The following TJP3 variants were observed in gnomAD, a reference collection of about 807,000 sequenced individuals.
The protein encoded by TJP3 is tight junction protein 3.
A neutral mutation model predicts 104.2 loss-of-function variants in TJP3; 85 were observed. The observed-to-expected ratio is 0.82, with a 90% confidence interval of 0.68 to 0.98. The LOEUF (loss-of-function observed/expected upper bound fraction) is 0.98, where lower values mean the gene tolerates loss of function less well. Ranked by LOEUF, TJP3 falls within the 50% of genes least tolerant of loss-of-function variation. The probability of loss-of-function intolerance (pLI) is 0.00; values close to 1 mark genes in which losing one functional copy is unlikely to be tolerated. For missense variants in TJP3, 1,367 were observed against 1,322.8 expected (o/e 1.03, Z -0.52); for synonymous variants, 550 against 550.6 (o/e 1.00, Z 0.02).
In TJP3 at chr19:3,729,781, C is replaced by CAAA. The variant is rs35091592; in HGVS notation, c.159-232_159-230dup. Among the ~76,000 whole-genome samples the CAAA allele has an allele frequency of 1.7e-4, 20 of 120,526 alleles. 1 individual carries two copies. The highest frequency in any genetic ancestry group is 4.1e-4 in the African/African-American group (13 of 31,764). 79.1% of individuals were successfully genotyped at this position (120,526 alleles called of 152,430 possible). On this transcript the variant is annotated intron_variant, in intron 3 of 20. Coordinates refer to ENST00000541714, the MANE Select transcript of TJP3 (RefSeq NM_001267560.2). ...TGGGCAACAGAGTGAGACTCTGTCT[C>CAAA]AAAAAAAAAAAAAAAAATGTAGCTT... is the stretch of plus-strand genomic sequence containing the variant.
In TJP3 at chr19:3,736,156, C is replaced by T. The variant is rs1449754371; in HGVS notation, c.1128-9C>T. Reference sequence around the variant, plus strand: ...TCTGCTCTGACCCCATCTCTGCCTCCCCTTGCAGGTACAGCCCCGACACGC... The same window carrying T: ...TCTGCTCTGACCCCATCTCTGCCTCTCCTTGCAGGTACAGCCCCGACACGC... On this transcript the variant is annotated splice_polypyrimidine_tract_variant and intron_variant, in intron 10 of 20. Coordinates refer to ENST00000541714, the MANE Select transcript of TJP3 (RefSeq NM_001267560.2). 6.3e-7 allele frequency: 1 copy of T among 1,579,050 alleles called. No homozygotes were observed. Among genetic ancestry groups the T allele is most frequent in the African/African-American group, 1.3e-5 (1 of 74,310 alleles).
At chr19:3,728,260 AAAAC>A (rs1460407390) in intron 1 of TJP3, 160 bp from the exon 2 acceptor site, 10 of 1,169,814 alleles carry the variant, frequency 8.5e-6, no homozygotes, top group African/African-American at 6.2e-5. Flanking sequence ...ACAAAACAAA[AAAAC>A]AAACAAAAAA....
At chr19:3,733,704 C>T (rs766330713) in intron 6 of TJP3, 49 bp from the exon 7 acceptor site, 1 of 1,604,594 alleles carries the variant, frequency 6.2e-7, no homozygotes, top group South Asian at 1.1e-5. Flanking sequence ...CTACTGTCTC[C>T]CATCTCTCAT....
Position 3,747,844 on chromosome 19 carries a change from C to G in TJP3, c.2373C>G (p.Ala791=). 2 of 1,610,294 alleles carry G rather than the reference C, an allele frequency of 1.2e-6. No individual in the cohort carries two copies. Among genetic ancestry groups the G allele is most frequent in the Non-Finnish European group, 1.7e-6 (2 of 1,179,516 alleles). Reference sequence around the variant, plus strand: ...TAGACCTCCCTCACCACGGCCTGGCCGACAGCTCCGCTGACCTCAGCTGCG... The same window carrying G: ...TAGACCTCCCTCACCACGGCCTGGCGGACAGCTCCGCTGACCTCAGCTGCG... The part of the protein sequence containing the change: ...DNLDLPHHGL[A]DSSADLSCDS... Residue 791 remains alanine, a synonymous_variant, in exon 19 of 21, where the codon GCC becomes GCG. Transcript: ENST00000541714.
At chr19:3,738,440 G>A in intron 11 of TJP3, 115 bp from the exon 12 acceptor site, 3 of 866,068 alleles carry the variant, frequency 3.5e-6, no homozygotes, top group South Asian at 3.1e-5. Flanking sequence ...CGGGTCCCTT[G>A]GCAGCAGCTC....
At chr19:3,711,073 T>G in intron 1 of TJP3, among the ~76,000 whole-genome samples, 1 of 93,038 alleles carries the variant, frequency 1.1e-5, no homozygotes, top group Non-Finnish European at 2.2e-5. Context: ...CCGGCTAATT[T>G]TTTGTATTTT....
Position 3,749,991 on chromosome 19 carries a change from T to G in TJP3, c.2611-147T>G. On this transcript the variant is annotated intron_variant, in intron 19 of 20. Coordinates refer to ENST00000541714, the MANE Select transcript of TJP3 (RefSeq NM_001267560.2). ...CAGCCTCAGTTTTCTCATTTAGATT[T>G]GGGGATGACCTGCAGACTTGTCACG... 4.2e-6 allele frequency: 4 copies of G among 955,872 alleles called. No homozygotes were observed. The Middle Eastern group carries it at 6.9e-4, about 164-fold the overall frequency. 59.2% of individuals were successfully genotyped at this position (955,872 alleles called of 1,614,324 possible). A position where few individuals can be genotyped will look rare whatever the true frequency, so the allele number is the denominator to read the frequency against.
In TJP3 at chr19:3,717,247, G is replaced by T; in HGVS notation, c.-10+8686G>T. On this transcript the variant is annotated intron_variant, in intron 1 of 20. Coordinates refer to ENST00000541714, the MANE Select transcript of TJP3 (RefSeq NM_001267560.2). ...CCCAAAGTGCTGGGATTACAGGCAC[G>T]AGCCACCACGCCTGGCCCATGACTG... 1.4e-5 allele frequency among the ~76,000 whole-genome samples: 2 copies of T among 145,902 alleles called. 1 individual carries two copies. The highest frequency in any genetic ancestry group is 3.1e-5 in the Non-Finnish European group (2 of 65,236).
intron 8 of TJP3, among the ~76,000 whole-genome samples, chr19:3,734,982 T>G (rs2036720238): frequency 6.6e-6 from 1 of 151,970 alleles, no homozygotes; most frequent in Non-Finnish European, 1.5e-5. Flanking sequence ...TTTCCTCTAT[T>G]TATTTATTTG....
At chr19:3,716,801 A>ATATATATATT (rs1421328174) in intron 1 of TJP3, among the ~76,000 whole-genome samples, 2 of 81,936 alleles carry the variant, frequency 2.4e-5, no homozygotes, top group African/African-American at 9.8e-5. Flanking sequence ...ATATATATAT[A>ATATATATATT]TTTTTTTTTT....
At chr19:3,749,209 T>C (rs2036955122) in intron 19 of TJP3, among the ~76,000 whole-genome samples, 1 of 152,100 alleles carries the variant, frequency 6.6e-6, no homozygotes, top group Non-Finnish European at 1.5e-5. Context: ...TGTTTCCTCA[T>C]CTAGGACACA....
Position 3,710,123 on chromosome 19 carries a change from T to C in TJP3, c.-10+1562T>C, listed in dbSNP as rs187682546. Reference sequence around the variant, plus strand: ...GAGATTGTGCCACTGCACTCCAGCCTGGACAACAGAGTGAGACTCTGTCTC... The same window carrying C: ...GAGATTGTGCCACTGCACTCCAGCCCGGACAACAGAGTGAGACTCTGTCTC... On this transcript the variant is annotated intron_variant, in intron 1 of 20. Coordinates refer to ENST00000541714, the MANE Select transcript of TJP3 (RefSeq NM_001267560.2). Among the ~76,000 whole-genome samples the C allele has an allele frequency of 3.6e-3, 451 of 125,614 alleles. 3 individuals carry two copies. Among genetic ancestry groups the C allele is most frequent in the African/African-American group, 0.014 (435 of 32,158 alleles). 82.4% of individuals were successfully genotyped at this position (125,614 alleles called of 152,430 possible).
At chr19:3,727,483 C>CAA (rs36057859) in intron 1 of TJP3, among the ~76,000 whole-genome samples, 1,035 of 86,582 alleles carry the variant, frequency 0.012, 17 homozygotes, top group African/African-American at 0.038. Flanking sequence ...AACTCTGTCT[C>CAA]AAAAAAAAAA....
At chr19:3,731,227 G>A (rs898593377) in intron 5 of TJP3, among the ~76,000 whole-genome samples, 2 of 152,122 alleles carry the variant, frequency 1.3e-5, no homozygotes, top group Non-Finnish European at 2.9e-5. Context: ...CCTCTGTTTA[G>A]GCCACCTCAC....
chr19:3,750,252 G>C (rs1450363409), intron 20 of TJP3, 68 bp downstream of exon 20: 19 of 1,602,112 alleles, frequency 1.2e-5, no homozygotes, highest in East Asian at 2.2e-5. Flanking sequence ...TGCGGACTCA[G>C]ATCTAGATCC....
chr19:3,746,639 G>A lies in TJP3; in HGVS notation c.2165G>A (p.Arg722His), dbSNP rs781351019. The stretch of plus-strand genomic sequence containing the variant: ...GCGCCTGCCTCCCGCCGCAGCACCC[G>A]TCGCCTCTACGCACAAGCCCAGAAG... Reference protein sequence around the residue: ...WLAPASRRSTRRLYAQAQKLR... With the variant: ...WLAPASRRSTHRLYAQAQKLR... The change falls in exon 17 of 21, where the codon CGT (arginine) becomes CAT (histidine). Residue 722 changes from arginine to histidine, a missense_variant. Physicochemically the swap from Arg to His is conservative, Grantham distance 29. Coordinates refer to ENST00000541714, the MANE Select transcript of TJP3 (RefSeq NM_001267560.2). This position sits in a 1 kb window ranked among gnomAD's most constrained non-coding sequence, Gnocchi z 4.1. The A allele has an allele frequency of 8.1e-6, 13 of 1,613,162 alleles. No homozygotes were observed. Among genetic ancestry groups the A allele is most frequent in the East Asian group, 2.2e-5 (1 of 44,868 alleles).
chr19:3,742,374 G>A (rs545540041), intron 14 of TJP3, among the ~76,000 whole-genome samples: 9 of 151,748 alleles, frequency 5.9e-5, no homozygotes, highest in African/African-American at 9.7e-5. Flanking sequence ...TCGAGGCTGC[G>A]GAGAGCTATG....
In TJP3 at chr19:3,717,217, G is replaced by A. The variant is rs191287824; in HGVS notation, c.-10+8656G>A. 3.1e-3 allele frequency among the ~76,000 whole-genome samples: 452 copies of A among 145,472 alleles called. 45 individuals carry two copies. Among genetic ancestry groups the A allele is most frequent in the Non-Finnish European group, 4.1e-3 (266 of 65,012 alleles). ...CAACCTCAGGTGATCCGCCCGCCTC[G>A]ACCTCCCAAAGTGCTGGGATTACAG... On this transcript the variant is annotated intron_variant, in intron 1 of 20. Transcript: ENST00000541714.
intron 14 of TJP3, among the ~76,000 whole-genome samples, chr19:3,742,693 A>T: frequency 6.7e-6 from 1 of 148,348 alleles, no homozygotes; most frequent in African/African-American, 2.5e-5. Flanking sequence ...CTGTAATCCC[A>T]GCACTTTGGG....
Sources: allele counts gnomAD v4.1 joint callset (sites outside exome capture counted in the v4.1 genomes callset), GRCh38; gene constraint gnomAD v4.1.1; non-coding constraint Gnocchi (gnomAD v3.1); transcripts MANE v1.5; gene names NCBI Gene and HGNC (gene_info 2026-07-23, HGNC 2026-07-21).